Variants in MBD6 observed in about 807,000 individuals in gnomAD.
MBD6 encodes the protein methyl-CpG-binding domain protein 6.
MBD6 carries 22 observed loss-of-function variants against 66.8 expected under a neutral mutation model. The ratio of observed to expected loss-of-function variants is 0.33; its 90% CI spans 0.24 to 0.47. The LOEUF (loss-of-function observed/expected upper bound fraction) is 0.47. Among genes scored for constraint, MBD6 ranks in the 20% least tolerant of loss-of-function variants. The pLI, the probability that MBD6 is intolerant of heterozygous loss-of-function variation, is 1.00. For synonymous variants in MBD6, 540 were observed against 534.6 expected, an observed-to-expected ratio of 1.01 and a Z score of -0.14; for missense variants, 1,322 against 1,286.9, an observed-to-expected ratio of 1.03 and a Z score of -0.42.
rs144558025 is a variant in MBD6, at chr12:57,524,994, G to A, written c.258G>A (p.Gly86=). 136 of 1,609,578 alleles carry A rather than the reference G, an allele frequency of 8.4e-5. No homozygotes were observed. The highest frequency in any genetic ancestry group is 6.5e-5 in the Non-Finnish European group (77 of 1,177,490). Residue 86 remains glycine (G), a synonymous_variant, in exon 5 of 13, where the codon GGG becomes GGA. Coordinates refer to ENST00000355673, the MANE Select transcript of MBD6 (RefSeq NM_052897.4). ...FDPLAPVTPG[G]AGVGPASEED... ...CTTTGGCCCCGGTGACCCCGGGTGG[G>A]GCTGGGGTGGGGCCAGCATCAGAGG...
chr12:57,522,409 C>A (rs1039413340), upstream of MBD6, among the ~76,000 whole-genome samples: 1 of 152,150 alleles, frequency 6.6e-6, no homozygotes, highest in Non-Finnish European at 1.5e-5. Flanking sequence ...CAGGGCAAGT[C>A]GCGACTTTCA....
rs201317003 is a variant in MBD6 at position 57,528,694 on chromosome 12, G to C, written c.2849G>C (p.Arg950Pro). 8.7e-6 allele frequency: 14 copies of C among 1,614,122 alleles called. 1 individual carries two copies. The South Asian group carries it at 8.8e-5, about 10-fold the overall frequency. The change falls in exon 11 of 13, where the codon CGT (arginine) becomes CCT (proline). Residue 950 changes from arginine (R) to proline (P), a missense_variant. Transcript: ENST00000355673. ...CCCCCGGGAGTAGTCAGAAAGTCTC[G>C]TCGTGGCCGTAGGAGAAAATACAAG... is the stretch of plus-strand genomic sequence containing the variant. Reference protein sequence around the residue: ...KVPPGVVRKSRRGRRRKYNPT... With the variant: ...KVPPGVVRKSPRGRRRKYNPT...
chr12:57,528,890 T>C, intron 11 of MBD6, 56 bp from the exon 12 acceptor site: 1 of 1,613,374 alleles, frequency 6.2e-7, no homozygotes, highest in Non-Finnish European at 8.5e-7. Flanking sequence ...CCCAAACTTC[T>C]GAAATTCACC....
chr12:57,526,788 G>A lies in MBD6; in HGVS notation c.1643G>A (p.Gly548Glu), dbSNP rs746269459. 21 of 1,606,288 alleles carry A rather than the reference G, an allele frequency of 1.3e-5. No individual in the cohort carries two copies. The Admixed American group carries it at 2.4e-4, about 18-fold the overall frequency. Reference sequence around the variant, plus strand: ...GCCTTGCCTCTCCCTCTGAGTCTGGGGCAGCCTCCACCTTCTCCATTGCTC... The same window carrying A: ...GCCTTGCCTCTCCCTCTGAGTCTGGAGCAGCCTCCACCTTCTCCATTGCTC... ...LGALPLPLSL[G>E]QPPPSPLLNH... The change falls in exon 7 of 13, where the codon GGG (glycine) becomes GAG (glutamate). Residue 548 changes from glycine (G) to glutamate (E), a missense_variant. Coordinates refer to ENST00000355673, the MANE Select transcript of MBD6 (RefSeq NM_052897.4).
chr12:57,522,759 A>AGCGACGGCGGCGGCGG (rs1878463343), upstream of MBD6: 4 of 153,714 alleles, frequency 2.6e-5, no homozygotes, highest in Non-Finnish European at 5.6e-5. Context: ...TGCGGCAGCG[A>AGCGACGGCGGCGGCGG]CGGCGGCGGC....
downstream of MBD6, chr12:57,530,922 C>G: frequency 1.4e-6 from 1 of 710,000 alleles, no homozygotes; most frequent in Admixed American, 2.4e-5. Context: ...CACCAATTTT[C>G]AAGCTACCCT....
chr12:57,525,917 C>T lies in MBD6; in HGVS notation c.949C>T (p.Pro317Ser), dbSNP rs780305183. The change falls in exon 6 of 13, where the codon CCC becomes TCC. Residue 317 changes from proline (P) to serine (S), a missense_variant. By Grantham distance (74) the Pro-to-Ser change is moderately conservative (BLOSUM62 -1). Coordinates refer to ENST00000355673, the MANE Select transcript of MBD6 (RefSeq NM_052897.4). ...CACGGTGGAGGGGCCTGGGGCACCC[C>T]CCTTCCTTGCTAGCAGCCTACTCTC... is the stretch of plus-strand genomic sequence containing the variant. Reference protein sequence around the residue: ...APTVEGPGAPPFLASSLLSAA... With the variant: ...APTVEGPGAPSFLASSLLSAA... 2 of 1,613,352 alleles carry T rather than the reference C, an allele frequency of 1.2e-6. No homozygotes were observed. Among genetic ancestry groups the T allele is most frequent in the Non-Finnish European group, 1.7e-6 (2 of 1,179,590 alleles).
Position 57,528,313 on chromosome 12 carries a change from G to A in MBD6, c.2573G>A (p.Gly858Asp). Residue 858 changes from glycine to aspartate, a missense_variant, in exon 10 of 13, where the codon GGC (glycine) becomes GAC (aspartate). Gly to Asp is a moderately conservative substitution (Grantham distance 94). Coordinates refer to ENST00000355673, the MANE Select transcript of MBD6 (RefSeq NM_052897.4). The stretch of plus-strand genomic sequence containing the variant: ...ACTGGGAGGGGGTCAGGGAAACGGG[G>A]CCGGAGGGGAGGAGGGGGACTTAGG... ...LLTGRGSGKRGRRGGGGLRGI... is the reference protein window; with the variant it reads ...LLTGRGSGKRDRRGGGGLRGI... 6.2e-7 allele frequency: 1 copy of A among 1,607,730 alleles called. No individual in the cohort carries two copies. Among genetic ancestry groups the A allele is most frequent in the Non-Finnish European group, 8.5e-7 (1 of 1,176,762 alleles).
chr12:57,528,306 A>G lies in MBD6; in HGVS notation c.2566A>G (p.Lys856Glu). The change falls in exon 10 of 13, where the codon AAA (lysine) becomes GAA (glutamate). Residue 856 changes from lysine (K) to glutamate (E), a missense_variant. Coordinates refer to ENST00000355673, the MANE Select transcript of MBD6 (RefSeq NM_052897.4). The stretch of plus-strand genomic sequence containing the variant: ...GCTGCTCACTGGGAGGGGGTCAGGG[A>G]AACGGGGCCGGAGGGGAGGAGGGGG... ...PELLTGRGSG[K>E]RGRRGGGGLR... The G allele has an allele frequency of 1.2e-6, 2 of 1,606,454 alleles. No homozygotes were observed. Among genetic ancestry groups the G allele is most frequent in the Non-Finnish European group, 1.7e-6 (2 of 1,176,054 alleles).
At chr12:57,523,698 T>G (rs1305012895) in intron 1 of MBD6, among the ~76,000 whole-genome samples, 1 of 152,222 alleles carries the variant, frequency 6.6e-6, no homozygotes, top group Non-Finnish European at 1.5e-5. Flanking sequence ...CCAGACACTC[T>G]GGGAAACTTC....
At chr12:57,521,503 G>A (rs1480054063), upstream of MBD6, 1 of 152,298 alleles carries the variant, frequency 6.6e-6, no homozygotes, top group East Asian at 1.9e-4. Flanking sequence ...AAAAACGGGG[G>A]TGGTCTCCTG....
In MBD6 at chr12:57,527,156, C is replaced by G. The variant is rs751732694; in HGVS notation, c.2011C>G (p.Pro671Ala). 1.1e-5 allele frequency: 16 copies of G among 1,502,536 alleles called. No individual in the cohort carries two copies. The East Asian group carries it at 3.1e-4, about 29-fold the overall frequency. 93.1% of individuals were successfully genotyped at this position (1,502,536 alleles called of 1,614,324 possible). The change falls in exon 7 of 13, where the codon CCT becomes GCT. Residue 671 changes from proline to alanine, a missense_variant. By Grantham distance (27) the Pro-to-Ala change is conservative. Transcript: ENST00000355673. ...ACTTTTCCCCCCACTTTCAGCCCCCCCTACCCTCATAGCTTTAAATTCTGC... is the reference window on the plus strand; with the variant it reads ...ACTTTTCCCCCCACTTTCAGCCCCCGCTACCCTCATAGCTTTAAATTCTGC... ...PLLFPPLSAPPTLIALNSALL... is the reference protein window; with the variant it reads ...PLLFPPLSAPATLIALNSALL...
Position 57,525,068 on chromosome 12 carries a change from C to T in MBD6, c.332C>T (p.Ala111Val). ...CACCGGCGGAAAGCTGTTGCTATGG[C>T]AACTCTGTACCGCAGCATGGAGACC... Reference protein sequence around the residue: ...CNHRRKAVAMATLYRSMETTC... With the variant: ...CNHRRKAVAMVTLYRSMETTC... The change falls in exon 5 of 13, where the codon GCA (alanine) becomes GTA (valine). Residue 111 changes from alanine to valine, a missense_variant. Coordinates refer to ENST00000355673, the MANE Select transcript of MBD6 (RefSeq NM_052897.4). The T allele has an allele frequency of 1.2e-6, 2 of 1,613,040 alleles. No homozygotes were observed. The highest frequency in any genetic ancestry group is 8.5e-7 in the Non-Finnish European group (1 of 1,179,760).
upstream of MBD6, chr12:57,522,791 A>G (rs1324783544): frequency 7.1e-5 from 11 of 155,556 alleles, no homozygotes; most frequent in African/African-American, 2.5e-4. Flanking sequence ...CAGCCTGCGC[A>G]GTGCCTTCTG....
Position 57,526,400 on chromosome 12 carries a change from T to C in MBD6, c.1420+12T>C. ...CAGCAGTGTGCCAGGTATGTGAGTA[T>C]TGTGGAGCCCTTCCTCATCCTGGCT... is the stretch of plus-strand genomic sequence containing the variant. On this transcript the variant is annotated intron_variant, in intron 6 of 12. Transcript: ENST00000355673. 6.4e-7 allele frequency: 1 copy of C among 1,560,814 alleles called. No homozygotes were observed. Among genetic ancestry groups the C allele is most frequent in the Non-Finnish European group, 8.7e-7 (1 of 1,153,534 alleles).
chr12:57,530,734 C>T (rs747967703), downstream of MBD6: 3 of 1,613,948 alleles, frequency 1.9e-6, no homozygotes, highest in South Asian at 2.2e-5. Flanking sequence ...TGGCAAAGTT[C>T]CCCTCAACTG....
chr12:57,522,344 C>T (rs929871672), upstream of MBD6, among the ~76,000 whole-genome samples: 1 of 151,098 alleles, frequency 6.6e-6, no homozygotes, highest in African/African-American at 2.4e-5. Context: ...GACATGTTGA[C>T]CTGGGGAGGC....
In MBD6 at chr12:57,526,019, C is replaced by G; in HGVS notation, c.1051C>G (p.Pro351Ala). 1 of 1,614,030 alleles carries G rather than the reference C, an allele frequency of 6.2e-7. No individual in the cohort carries two copies. Among genetic ancestry groups the G allele is most frequent in the Non-Finnish European group, 8.5e-7 (1 of 1,179,996 alleles). The change falls in exon 6 of 13, where the codon CCC (proline) becomes GCC (alanine). Residue 351 changes from proline (P) to alanine (A), a missense_variant. Coordinates refer to ENST00000355673, the MANE Select transcript of MBD6 (RefSeq NM_052897.4). ...LQGRRPRAQA[P>A]SASHSSSLRP... ...GGGCCGAAGGCCCCGTGCCCAGGCA[C>G]CCTCAGCTTCCCACTCCTCATCACT...
In MBD6 at chr12:57,527,894, G is replaced by A. The variant is rs766209285; in HGVS notation, c.2283G>A (p.Leu761=). Residue 761 remains leucine (L), a synonymous_variant, in exon 9 of 13, where the codon CTG becomes CTA. Coordinates refer to ENST00000355673, the MANE Select transcript of MBD6 (RefSeq NM_052897.4). The part of the protein sequence containing the change: ...LTSSPGALPS[L]LQPPGPLLSG... ...GCAGCCCTGGAGCCCTCCCCAGCCT[G>A]TTGCAGCCTCCTGGCCCTCTTCTCT... 7 of 1,613,782 alleles carry A rather than the reference G, an allele frequency of 4.3e-6. No individual in the cohort carries two copies. The highest frequency in any genetic ancestry group is 3.3e-5 in the South Asian group (3 of 91,078).
Sources: allele counts gnomAD v4.1 joint callset (sites outside exome capture counted in the v4.1 genomes callset), GRCh38; gene constraint gnomAD v4.1.1; transcripts MANE v1.5; gene names NCBI Gene and HGNC (gene_info 2026-07-23, HGNC 2026-07-21).